The following AFF4 variants were observed in gnomAD, a reference collection of about 807,000 sequenced individuals.
AFF4 encodes the protein AF4/FMR2 family member 4.
AFF4 carries 13 observed loss-of-function variants against 124.8 expected under a neutral mutation model. The ratio of observed to expected loss-of-function variants is 0.10; its 90% confidence interval spans 0.07 to 0.17. The LOEUF (loss-of-function observed/expected upper bound fraction) is 0.17. Ranked by LOEUF, AFF4 falls within the 10% of genes least tolerant of loss-of-function variation. AFF4 has a pLI of 1.00. For synonymous variants in AFF4, 477 were observed against 496.1 expected (o/e 0.96, Z 0.51); for missense variants, 1,092 against 1,403.8 (o/e 0.78, Z 3.55).
At chr5:132,936,991 CATT>C in intron 2 of AFF4, 73 bp downstream of exon 2, 1 of 1,514,280 alleles carries the variant, frequency 6.6e-7, no homozygotes. Context: ...CTAATATAAA[CATT>C]CAAGTGTGAA....
Position 132,897,307 on chromosome 5 carries a change from C to T in AFF4, c.1390-67G>A. ...TGCTTTTTTCGTTCTCCCTCCTTTACAACCTCAAAGAAGAGGAAAAACCAC... is the reference window on the plus strand; with the variant it reads ...TGCTTTTTTCGTTCTCCCTCCTTTATAACCTCAAAGAAGAGGAAAAACCAC... On this transcript the variant is annotated intron_variant, in intron 10 of 20. Coordinates refer to ENST00000265343, the MANE Select transcript of AFF4 (RefSeq NM_014423.4). 3 of 1,524,918 alleles carry T rather than the reference C, an allele frequency of 2.0e-6. No homozygotes were observed. The East Asian group carries it at 6.8e-5, about 34-fold the overall frequency. The allele number at this position is 1,524,918 out of a possible 1,614,324, so 94.5% of individuals were successfully genotyped here. A position where few individuals can be genotyped will look rare whatever the true frequency, so the allele number is the denominator to read the frequency against.
intron 5 of AFF4, among the ~76,000 whole-genome samples, chr5:132,920,751 C>T (rs1372895845): frequency 1.3e-5 from 2 of 152,110 alleles, no homozygotes; most frequent in Admixed American, 1.3e-4. Flanking sequence ...TAGAGGGACA[C>T]TATTAAGAGA....
chr5:132,927,013 C>G (rs973879943), intron 5 of AFF4, 108 bp downstream of exon 5: 22 of 817,534 alleles, frequency 2.7e-5, no homozygotes, highest in Non-Finnish European at 3.9e-5. Context: ...TATTTACTGT[C>G]TGTCTCCCAC....
At chr5:132,883,254 A>G (rs975669029) in intron 20 of AFF4, 86 bp downstream of exon 20, 1 of 1,240,870 alleles carries the variant, frequency 8.1e-7, no homozygotes, top group African/African-American at 1.5e-5. Flanking sequence ...ATAAAACTAA[A>G]TACAGACTAA....
intron 4 of AFF4, among the ~76,000 whole-genome samples, chr5:132,928,239 A>C (rs573255256): frequency 1.3e-5 from 2 of 151,190 alleles, no homozygotes; most frequent in South Asian, 2.1e-4. Flanking sequence ...AAAAACAAAC[A>C]AAAAAAAACC....
In AFF4 at chr5:132,880,506, T is replaced by C; in HGVS notation, c.*553A>G. 5.0e-6 allele frequency: 2 copies of C among 396,396 alleles called. No individual in the cohort carries two copies. Among genetic ancestry groups the C allele is most frequent in the Non-Finnish European group, 8.9e-6 (2 of 224,874 alleles). 24.6% of individuals were successfully genotyped at this position (396,396 alleles called of 1,614,324 possible). On this transcript the variant is annotated 3_prime_UTR_variant, in exon 21 of 21. Coordinates refer to ENST00000265343, the MANE Select transcript of AFF4 (RefSeq NM_014423.4). Reference sequence around the variant, plus strand: ...AACTGTAAATTCCACAATAATAAAATTGGAGTTAAGATTTCAAATATCAGG... The same window carrying C: ...AACTGTAAATTCCACAATAATAAAACTGGAGTTAAGATTTCAAATATCAGG...
intron 1 of AFF4, among the ~76,000 whole-genome samples, chr5:132,962,975 G>A (rs949302753): frequency 3.3e-5 from 5 of 152,276 alleles, no homozygotes; most frequent in Middle Eastern, 3.4e-3. Flanking sequence ...TCAGCCGATG[G>A]AACGTCTGAG....
Position 132,960,148 on chromosome 5 carries a change from C to A in AFF4, c.-5+3111G>T, listed in dbSNP as rs542236160. 2.6e-5 allele frequency among the ~76,000 whole-genome samples: 4 copies of A among 152,266 alleles called. No homozygotes were observed. The East Asian group carries it at 7.7e-4, about 29-fold the overall frequency. On this transcript the variant is annotated intron_variant, in intron 1 of 20. Coordinates refer to ENST00000265343, the MANE Select transcript of AFF4 (RefSeq NM_014423.4). ...TCTTTAGTCACTACACCTTCTTTCA[C>A]AATAACTGAGACTAGCTAACACCCT...
In AFF4 at chr5:132,896,448, C is replaced by T. The variant is rs1240005589; in HGVS notation, c.2182G>A (p.Gly728Arg). ...IDLNLLTRIPGKPYKETEPPK... is the reference protein window; with the variant it reads ...IDLNLLTRIPRKPYKETEPPK... ...GGCTCTGTTTCTTTGTAAGGCTTTCCTGGTATTCTAGTCAAAAGATTCAGG... is the reference window on the plus strand; with the variant it reads ...GGCTCTGTTTCTTTGTAAGGCTTTCTTGGTATTCTAGTCAAAAGATTCAGG... Residue 728 changes from glycine to arginine, a missense_variant, in exon 11 of 21, where the codon GGA becomes AGA. Around this residue, in one of 11 missense-constraint regions of AFF4, gnomAD observed 293 missense variants for 280.2 expected, o/e 1.05. Coordinates refer to ENST00000265343, the MANE Select transcript of AFF4 (RefSeq NM_014423.4). 1 of 1,614,158 alleles carries T rather than the reference C, an allele frequency of 6.2e-7. No individual in the cohort carries two copies. The highest frequency in any genetic ancestry group is 8.5e-7 in the Non-Finnish European group (1 of 1,180,020).
At chr5:132,925,044 G>A (rs769698124) in intron 5 of AFF4, among the ~76,000 whole-genome samples, 2 of 151,658 alleles carry the variant, frequency 1.3e-5, no homozygotes, top group South Asian at 4.2e-4. Flanking sequence ...GCGTGGTGGC[G>A]GGCACCTGTA....
rs1313075830 is a variant in AFF4, at chr5:132,875,628, ATATAC to A, written c.*5426_*5430del. 2.0e-5 allele frequency: 4 copies of A among 197,030 alleles called. No homozygotes were observed. The highest frequency in any genetic ancestry group is 9.2e-5 in the African/African-American group (4 of 43,278). 12.2% of individuals were successfully genotyped at this position (197,030 alleles called of 1,614,324 possible). ...CTCTCAATACCACAAAATACATATAATATACTATACAGATGTGGAAAAATCTAGTT... is the reference window on the plus strand; with the variant it reads ...CTCTCAATACCACAAAATACATATAATATACAGATGTGGAAAAATCTAGTT... On this transcript the variant is annotated 3_prime_UTR_variant, in exon 21 of 21. Coordinates refer to ENST00000265343, the MANE Select transcript of AFF4 (RefSeq NM_014423.4).
chr5:132,897,109 T>C lies in AFF4; in HGVS notation c.1521A>G (p.Arg507=), dbSNP rs768181605. The C allele has an allele frequency of 6.2e-7, 1 of 1,614,218 alleles. No individual in the cohort carries two copies. Among genetic ancestry groups the C allele is most frequent in the Non-Finnish European group, 8.5e-7 (1 of 1,180,032 alleles). ...PSSQGYKKEG[R]EQGTGNSYTD... ...TGTAGCTATTCCCAGTGCCCTGCTC[T>C]CGGCCTTCCTTTTTGTAGCCTTGAG... Residue 507 remains arginine, a synonymous_variant, in exon 11 of 21, where the codon CGA becomes CGG. Coordinates refer to ENST00000265343, the MANE Select transcript of AFF4 (RefSeq NM_014423.4).
intron 1 of AFF4, among the ~76,000 whole-genome samples, chr5:132,945,844 T>C (rs1052074740): frequency 1.3e-5 from 2 of 152,124 alleles, no homozygotes; most frequent in African/African-American, 4.8e-5. Flanking sequence ...GCGGATCATC[T>C]GAGGTCAGGA....
Position 132,921,504 on chromosome 5 carries a change from T to C in AFF4, c.1050+5617A>G, listed in dbSNP as rs187028754. ...TTTTTTTTTGAGACAGTTTCGCTCT[T>C]GTTGCCCAGGCTGCAGTGCAATGAC... On this transcript the variant is annotated intron_variant, in intron 5 of 20. Transcript: ENST00000265343. Among the ~76,000 whole-genome samples the C allele has an allele frequency of 9.3e-5, 14 of 151,092 alleles. No individual in the cohort carries two copies. The East Asian group carries it at 2.5e-3, about 27-fold the overall frequency.
intron 1 of AFF4, among the ~76,000 whole-genome samples, chr5:132,957,070 G>A (rs571828222): frequency 5.8e-5 from 8 of 138,048 alleles, no homozygotes; most frequent in African/African-American, 2.2e-4. Context: ...GCCAGGTGCA[G>A]TAACTCATGC....
At chr5:132,936,870 T>C (rs1322321626) in intron 2 of AFF4, among the ~76,000 whole-genome samples, 197 bp downstream of exon 2, 2 of 152,258 alleles carry the variant, frequency 1.3e-5, no homozygotes, top group African/African-American at 4.8e-5. Flanking sequence ...ACCTATGTTG[T>C]GTATTTTTCT....
intron 13 of AFF4, among the ~76,000 whole-genome samples, chr5:132,890,954 C>G (rs1760239149): frequency 6.6e-6 from 1 of 151,684 alleles, no homozygotes; most frequent in Admixed American, 6.6e-5. Context: ...TACGAGATAG[C>G]AGAATCCAAA....
Position 132,892,276 on chromosome 5 carries a change from T to G in AFF4, c.2525A>C (p.Lys842Thr). The G allele has an allele frequency of 1.9e-6, 3 of 1,614,096 alleles. No individual in the cohort carries two copies. The highest frequency in any genetic ancestry group is 2.5e-6 in the Non-Finnish European group (3 of 1,180,030). ...KRTISQSSSL[K>T]SSSNSNKETS... ...CTCCTTGTTGCTGTTACTGCTTGAC[T>G]TTAAGGAAGAAGACTGACTAATAGT... is the stretch of plus-strand genomic sequence containing the variant. Residue 842 changes from lysine to threonine, a missense_variant, in exon 13 of 21, where the codon AAG (lysine) becomes ACG (threonine). This residue lies in a region of AFF4 where 293 missense variants were observed against 280.2 expected (regional missense o/e 1.05). Coordinates refer to ENST00000265343, the MANE Select transcript of AFF4 (RefSeq NM_014423.4).
At chr5:132,940,367 G>A (rs372132883) in intron 1 of AFF4, among the ~76,000 whole-genome samples, 5 of 145,596 alleles carry the variant, frequency 3.4e-5, no homozygotes, top group South Asian at 2.2e-4. Flanking sequence ...CGGGCGTGGC[G>A]GTGGGCGCCT....
Sources: gnomAD v4.1 joint callset for allele counts (sites outside exome capture counted in the v4.1 genomes callset) on GRCh38, gnomAD v4.1.1 for gene constraint, gnomAD v4.1.1 regional missense constraint, MANE v1.5 for transcripts, NCBI Gene and HGNC (gene_info 2026-07-23, HGNC 2026-07-21) for gene names.